The following NR2C2 variants were observed in gnomAD, a reference collection of about 807,000 sequenced individuals.
NR2C2 encodes nuclear receptor subfamily 2 group C member 2.
A neutral mutation model predicts 62.9 loss-of-function variants in NR2C2; 6 were observed. The observed-to-expected ratio is 0.10, with a 90% CI of 0.05 to 0.19. The LOEUF (loss-of-function observed/expected upper bound fraction) is 0.19, where lower values mean the gene tolerates loss of function less well. Among genes scored for constraint, NR2C2 ranks in the 10% least tolerant of loss-of-function variants. The pLI is 1.00. For missense variants in NR2C2, 479 were observed against 762.7 expected (o/e 0.63, Z 4.38); for synonymous variants, 272 against 273.8 (o/e 0.99, Z 0.07).
At position 15,047,437 on chromosome 3, in the gene NR2C2, T is replaced by A. The variant is rs1033227778; in HGVS notation, c.*4429T>A. 3 of 152,232 alleles carry A rather than the reference T, an allele frequency of 2.0e-5. No homozygotes were observed. The highest frequency in any genetic ancestry group is 7.2e-5 in the African/African-American group (3 of 41,462). The allele number at this position is 152,232 out of a possible 1,614,324, so 9.4% of individuals were successfully genotyped here. ...ATATCCAAAACTAAGTGGGAATTTT[T>A]AACCTTTTCATGCACCTATTCATGG... On this transcript the variant is annotated 3_prime_UTR_variant, in exon 14 of 14. Transcript: ENST00000425241.
intron 12 of NR2C2, 158 bp downstream of exon 12, chr3:15,038,295 C>T (rs2042159877): frequency 1.3e-5 from 9 of 697,970 alleles, no homozygotes; most frequent in Admixed American, 3.5e-5. Flanking sequence ...AATACATAAA[C>T]GCTTTTAAAT....
intron 11 of NR2C2, among the ~76,000 whole-genome samples, chr3:15,035,051 G>T (rs2042071285): frequency 6.6e-6 from 1 of 152,210 alleles, no homozygotes; most frequent in African/African-American, 2.4e-5. Flanking sequence ...CTAACACTTT[G>T]TTAGGCCAGG....
intron 1 of NR2C2, among the ~76,000 whole-genome samples, chr3:14,961,027 G>C (rs780666648): frequency 4.6e-5 from 7 of 152,168 alleles, no homozygotes; most frequent in Non-Finnish European, 8.8e-5. Context: ...TATCTCCTCA[G>C]TTTCAGACCT....
intron 1 of NR2C2, among the ~76,000 whole-genome samples, chr3:14,992,499 A>G (rs1369946947): frequency 1.3e-5 from 2 of 152,236 alleles, no homozygotes; most frequent in African/African-American, 2.4e-5. Context: ...CTAAGTGTTC[A>G]TTCACTAAGC....
At chr3:14,965,562 CAAA>C (rs1315372395) in intron 1 of NR2C2, among the ~76,000 whole-genome samples, 2 of 140,290 alleles carry the variant, frequency 1.4e-5, no homozygotes, top group Non-Finnish European at 3.1e-5. Flanking sequence ...TTTAGAGACT[CAAA>C]ATAATGAAAG....
At chr3:15,037,283 C>A (rs1246974612) in intron 11 of NR2C2, among the ~76,000 whole-genome samples, 1 of 151,672 alleles carries the variant, frequency 6.6e-6, no homozygotes, top group Admixed American at 6.6e-5. Context: ...GTTGCTCAAG[C>A]TGGTCTCAAA....
chr3:15,012,204 G>A (rs191402624), intron 2 of NR2C2, among the ~76,000 whole-genome samples: 43 of 151,320 alleles, frequency 2.8e-4, no homozygotes, highest in African/African-American at 9.9e-4. Flanking sequence ...GTGTGAGTTT[G>A]TTGTCTCAAC....
chr3:14,992,772 C>T (rs1349969067), intron 1 of NR2C2, among the ~76,000 whole-genome samples: 1 of 152,206 alleles, frequency 6.6e-6, no homozygotes, highest in East Asian at 1.9e-4. Flanking sequence ...ATTTTACCCT[C>T]TAAGTATGAG....
intron 1 of NR2C2, among the ~76,000 whole-genome samples, chr3:14,992,375 G>T (rs898777969): frequency 6.6e-6 from 1 of 152,110 alleles, no homozygotes; most frequent in Non-Finnish European, 1.5e-5. Context: ...TCCAGGGTGT[G>T]TAATTAGCAG....
chr3:15,028,894 C>T (rs1215241778), intron 8 of NR2C2, among the ~76,000 whole-genome samples, 175 bp downstream of exon 8: 1 of 152,158 alleles, frequency 6.6e-6, no homozygotes, highest in Non-Finnish European at 1.5e-5. Context: ...AACATAGACC[C>T]ACCTATGTTA....
intron 1 of NR2C2, among the ~76,000 whole-genome samples, chr3:14,981,637 C>T (rs1201541468): frequency 6.7e-6 from 1 of 149,498 alleles, no homozygotes; most frequent in Admixed American, 6.6e-5. Context: ...TATTGATTCA[C>T]ATGATCACAA....
At chr3:14,957,750 C>T (rs141066387) in intron 1 of NR2C2, among the ~76,000 whole-genome samples, 27 of 152,316 alleles carry the variant, frequency 1.8e-4, no homozygotes, top group Non-Finnish European at 3.5e-4. Context: ...CACTTCCTAA[C>T]TGGCCTCCCA....
Position 14,983,462 on chromosome 3 carries a change from T to TACACACACAC in NR2C2, c.-39-20390_-39-20381dup, listed in dbSNP as rs34788861. Among the ~76,000 whole-genome samples the TACACACACAC allele has an allele frequency of 6.7e-3, 978 of 146,872 alleles. 8 individuals carry two copies. Among genetic ancestry groups the TACACACACAC allele is most frequent in the East Asian group, 0.02 (100 of 5,032 alleles). On this transcript the variant is annotated intron_variant, in intron 1 of 13. Coordinates refer to ENST00000425241, the MANE Select transcript of NR2C2 (RefSeq NM_001291694.2). ...AGGTTAATCTGGATTATACTCTTTA[T>TACACACACAC]ACACACACACACACACACACACACA...
chr3:14,999,782 C>T (rs1461629271), intron 1 of NR2C2, among the ~76,000 whole-genome samples: 2 of 151,912 alleles, frequency 1.3e-5, no homozygotes, highest in Admixed American at 6.6e-5. Flanking sequence ...ATTGAATTAT[C>T]GTGGCACCTT....
rs142870646 is a variant in NR2C2, at chr3:15,040,294, A to G, written c.1616+1067A>G. Among the ~76,000 whole-genome samples, 679 of 152,336 alleles carry G rather than the reference A, an allele frequency of 4.5e-3. 4 individuals carry two copies. Among genetic ancestry groups the G allele is most frequent in the African/African-American group, 0.015 (643 of 41,574 alleles). On this transcript the variant is annotated intron_variant, in intron 13 of 13. Coordinates refer to ENST00000425241, the MANE Select transcript of NR2C2 (RefSeq NM_001291694.2). The stretch of plus-strand genomic sequence containing the variant: ...AAGGATGGAAGAGTGCTGCTTTCCT[A>G]TGACAACTTCTGACCTACCAGAAGC...
chr3:15,023,284 G>A lies in NR2C2; in HGVS notation c.641G>A (p.Arg214Gln). 6.2e-7 allele frequency: 1 copy of A among 1,614,192 alleles called. No individual in the cohort carries two copies. The highest frequency in any genetic ancestry group is 1.1e-5 in the South Asian group (1 of 91,086). The change falls in exon 6 of 14, where the codon CGG becomes CAG. Residue 214 changes from arginine to glutamine, a missense_variant. Arg to Gln is a conservative substitution (Grantham distance 43). Coordinates refer to ENST00000425241, the MANE Select transcript of NR2C2 (RefSeq NM_001291694.2). ...CAASTEKIYIRKDLRSPLIAT... is the reference protein window; with the variant it reads ...CAASTEKIYIQKDLRSPLIAT... The stretch of plus-strand genomic sequence containing the variant: ...GCTTCAACTGAGAAAATCTATATCC[G>A]GAAAGACCTGAGAAGTCCCCTGATA...
chr3:14,952,705 G>C (rs1310258233), intron 1 of NR2C2, among the ~76,000 whole-genome samples: 1 of 151,976 alleles, frequency 6.6e-6, no homozygotes, highest in Admixed American at 6.6e-5. Context: ...TTCCTTATTC[G>C]TTGGAGGTTT....
chr3:15,013,425 T>C (rs891045953), intron 2 of NR2C2, among the ~76,000 whole-genome samples, 164 bp from the exon 3 acceptor site: 4 of 152,234 alleles, frequency 2.6e-5, no homozygotes, highest in Non-Finnish European at 1.5e-5. Flanking sequence ...AAAAGCTCAC[T>C]ATTGTGTTTT....
chr3:15,042,005 C>T (rs1175655036), intron 13 of NR2C2, among the ~76,000 whole-genome samples: 7 of 152,110 alleles, frequency 4.6e-5, no homozygotes, highest in African/African-American at 1.4e-4. Context: ...AATAACAATA[C>T]GTACTCTTCT....
Sources: gnomAD v4.1 joint callset for allele counts (sites outside exome capture counted in the v4.1 genomes callset) on GRCh38, gnomAD v4.1.1 for gene constraint, MANE v1.5 for transcripts, NCBI Gene and HGNC (gene_info 2026-07-23, HGNC 2026-07-21) for gene names.